DHX9: variants seen among roughly 807,000 people sequenced by gnomAD.
DHX9 encodes the protein DExH-box helicase 9, also known as ATP-dependent RNA helicase A.
In DHX9, 27 loss-of-function variants were observed where a neutral mutation model predicts 148.7. The ratio of observed to expected loss-of-function variants is 0.18; its 90% confidence interval spans 0.13 to 0.25. The LOEUF (loss-of-function observed/expected upper bound fraction) is 0.25. DHX9 is among the 10% of genes least tolerant of loss of function. DHX9 has a pLI of 1.00. For missense variants in DHX9, 796 were observed against 1,559.6 expected (o/e 0.51, Z 8.25); for synonymous variants, 529 against 516.6 (o/e 1.02, Z -0.33).
chr1:182,853,244 T>C, intron 4 of DHX9, 62 bp from the exon 5 acceptor site: 1 of 1,170,816 alleles, frequency 8.5e-7, no homozygotes, highest in Non-Finnish European at 1.2e-6. Context: ...GATAATTCTT[T>C]AATGTATTTA....
chr1:182,846,231 G>T (rs1241979875), intron 3 of DHX9, among the ~76,000 whole-genome samples: 2 of 150,946 alleles, frequency 1.3e-5, no homozygotes, highest in Non-Finnish European at 2.9e-5. Flanking sequence ...TTGAAGACCA[G>T]ATGTACTTTT....
intron 12 of DHX9, among the ~76,000 whole-genome samples, chr1:182,864,043 A>G (rs1190321163): frequency 4.6e-5 from 7 of 152,142 alleles, no homozygotes; most frequent in Admixed American, 2.6e-4. Context: ...ACCCCAGGGT[A>G]GTCCCAGGTA....
chr1:182,845,493 G>A (rs926192135), intron 3 of DHX9, among the ~76,000 whole-genome samples: 5 of 151,660 alleles, frequency 3.3e-5, no homozygotes, highest in Middle Eastern at 3.4e-3. Context: ...AGATTTCTGT[G>A]ACTAAATGTG....
chr1:182,870,824 A>C (rs1017518668), intron 14 of DHX9, among the ~76,000 whole-genome samples: 1 of 152,222 alleles, frequency 6.6e-6, no homozygotes, highest in Non-Finnish European at 1.5e-5. Flanking sequence ...GAAAAGGTGA[A>C]ATTAAACATA....
At chr1:182,856,448 G>A in intron 6 of DHX9, 84 bp from the exon 7 acceptor site, 1 of 1,194,168 alleles carries the variant, frequency 8.4e-7, no homozygotes, top group African/African-American at 1.5e-5. Context: ...CTAAGCAGTT[G>A]GAAAGCCTGC....
At chr1:182,883,696 C>T in intron 26 of DHX9, 61 bp downstream of exon 26, 1 of 1,210,770 alleles carries the variant, frequency 8.3e-7, no homozygotes, top group Non-Finnish European at 1.2e-6. Context: ...TGATGGAATT[C>T]AGCTGCTAAT....
At chr1:182,853,882 C>T in intron 5 of DHX9, 148 bp from the exon 6 acceptor site, 1 of 648,588 alleles carries the variant, frequency 1.5e-6, no homozygotes, top group Non-Finnish European at 2.6e-6. Context: ...AAAAGTAATT[C>T]TGGTTCAGTT....
Position 182,881,654 on chromosome 1 carries a change from CTT to C in DHX9, c.2914+8_2914+9del. On this transcript the variant is annotated splice_region_variant and intron_variant, in intron 24 of 27. Transcript: ENST00000367549. The stretch of plus-strand genomic sequence containing the variant: ...AATTCTGGGTTTCCAGAAGGTAAGA[CTT>C]CTTCCATTCTTAAGATATCTTTAAA... 2 of 1,587,748 alleles carry C rather than the reference CTT, an allele frequency of 1.3e-6. No individual in the cohort carries two copies. Among genetic ancestry groups the C allele is most frequent in the Non-Finnish European group, 1.7e-6 (2 of 1,172,282 alleles).
At chr1:182,865,143 A>G (rs1233992418) in intron 12 of DHX9, among the ~76,000 whole-genome samples, 1 of 152,250 alleles carries the variant, frequency 6.6e-6, no homozygotes, top group African/African-American at 2.4e-5. Context: ...GTAGAATACA[A>G]GCAACTTTTG....
intron 6 of DHX9, among the ~76,000 whole-genome samples, chr1:182,855,404 GT>G (rs1668236690): frequency 6.6e-6 from 1 of 152,216 alleles, no homozygotes; most frequent in Non-Finnish European, 1.5e-5. Flanking sequence ...GGCACAGACA[GT>G]TGGGGGAGCC....
Position 182,876,433 on chromosome 1 carries a change from T to G in DHX9, c.2030-14T>G. On this transcript the variant is annotated splice_polypyrimidine_tract_variant and intron_variant, in intron 17 of 27. Transcript: ENST00000367549. ...CCTGTTTTTAGTCCCTGATTGTTCT[T>G]TATTGTTATATAGGAAGCCATCGGT... The G allele has an allele frequency of 6.2e-7, 1 of 1,610,416 alleles. No individual in the cohort carries two copies. The highest frequency in any genetic ancestry group is 8.5e-7 in the Non-Finnish European group (1 of 1,176,854).
intron 7 of DHX9, among the ~76,000 whole-genome samples, chr1:182,856,950 C>T (rs1025339661): frequency 4.6e-5 from 7 of 152,040 alleles, no homozygotes; most frequent in Non-Finnish European, 8.8e-5. Flanking sequence ...CCCAGGTTCA[C>T]GCCATTCTCC....
chr1:182,881,182 A>T, intron 22 of DHX9, 82 bp from the exon 23 acceptor site: 1 of 1,415,004 alleles, frequency 7.1e-7, no homozygotes. Flanking sequence ...AAAGACTGCA[A>T]CCCACAGTCG....
chr1:182,872,292 T>C (rs766051569), intron 14 of DHX9, 45 bp from the exon 15 acceptor site: 5 of 1,537,418 alleles, frequency 3.3e-6, no homozygotes, highest in Non-Finnish European at 4.4e-6. Flanking sequence ...GCTTGTTATA[T>C]AAACTTAATG....
intron 1 of DHX9, chr1:182,840,019 G>A (rs1419542068): frequency 6.6e-6 from 1 of 152,424 alleles, no homozygotes; most frequent in Non-Finnish European, 1.5e-5. Context: ...AAGCGGAAGG[G>A]ATTAGTTATC....
chr1:182,881,902 CT>C (rs1277559223), intron 24 of DHX9, among the ~76,000 whole-genome samples: 3 of 152,116 alleles, frequency 2.0e-5, no homozygotes, highest in Non-Finnish European at 4.4e-5. Context: ...TTTTAAATGA[CT>C]TTAATTTATA....
At chr1:182,852,966 A>C (rs1378923270) in intron 4 of DHX9, among the ~76,000 whole-genome samples, 1 of 150,492 alleles carries the variant, frequency 6.6e-6, no homozygotes. Context: ...TTGCTCTGTC[A>C]CCCAGACTGG....
At position 182,840,299 on chromosome 1, in the gene DHX9, C is replaced by CTTT. The variant is rs572795237; in HGVS notation, c.-23+862_-23+864dup. On this transcript the variant is annotated intron_variant, in intron 1 of 27. Transcript: ENST00000367549. ...GCTACGTTTTCTGGAATTCTTGCGC[C>CTTT]TTTTTTTTTTTTTTTTTTTTTGCAA... Among the ~76,000 whole-genome samples the CTTT allele has an allele frequency of 9.8e-3, 1,035 of 105,494 alleles. 74 individuals carry two copies. Among genetic ancestry groups the CTTT allele is most frequent in the African/African-American group, 0.031 (711 of 22,586 alleles). 69.2% of individuals were successfully genotyped at this position (105,494 alleles called of 152,430 possible). A position where few individuals can be genotyped will look rare whatever the true frequency, so the allele number is the denominator to read the frequency against.
rs945892272 is a variant in DHX9 at position 182,859,098 on chromosome 1, A to T, written c.1121A>T (p.Gln374Leu). The T allele has an allele frequency of 6.2e-7, 1 of 1,614,108 alleles. No individual in the cohort carries two copies. Among genetic ancestry groups the T allele is most frequent in the Admixed American group, 1.7e-5 (1 of 60,034 alleles). ...LKNELMYQLEQDHDLQAILQE... is the reference protein window; with the variant it reads ...LKNELMYQLELDHDLQAILQE... The stretch of plus-strand genomic sequence containing the variant: ...AATGAATTGATGTACCAGTTGGAAC[A>T]GGATCATGATTTGCAAGCAGTAAGT... Residue 374 changes from glutamine to leucine, a missense_variant, in exon 11 of 28, where the codon CAG becomes CTG. Gln to Leu is a moderately radical substitution (Grantham distance 113, BLOSUM62 -2). Coordinates refer to ENST00000367549, the MANE Select transcript of DHX9 (RefSeq NM_001357.5).
Sources: gnomAD v4.1 joint callset for allele counts (sites outside exome capture counted in the v4.1 genomes callset) on GRCh38, gnomAD v4.1.1 for gene constraint, MANE v1.5 for transcripts, NCBI Gene and HGNC (gene_info 2026-07-23, HGNC 2026-07-21) for gene names.